Variants in ITPRID1 observed in about 807,000 individuals in gnomAD.
ITPRID1 encodes the protein protein ITPRID1.
In ITPRID1, 96 loss-of-function variants were observed where a neutral mutation model predicts 95.4. The observed-to-expected ratio is 1.01, with a 90% CI of 0.85 to 1.19. ITPRID1 has a LOEUF of 1.19. ITPRID1 is among the 50% of genes most tolerant of loss of function. The pLI is 0.00. For missense variants in ITPRID1, 1,339 were observed against 1,252.9 expected, an observed-to-expected ratio of 1.07 and a Z score of -1.04; for synonymous variants, 510 against 453.6, an observed-to-expected ratio of 1.12 and a Z score of -1.58.
chr7:31,535,119 AAT>A (rs1438943327), intron 1 of ITPRID1, among the ~76,000 whole-genome samples: 1 of 152,076 alleles, frequency 6.6e-6, no homozygotes, highest in Non-Finnish European at 1.5e-5. Flanking sequence ...ATTTAATATG[AAT>A]TAATTTAAAT....
At position 31,652,679 on chromosome 7, in the gene ITPRID1, T is replaced by C. The variant is rs1248148633; in HGVS notation, c.2985T>C (p.Cys995=). The change falls in exon 15 of 15, where the codon TGT becomes TGC. Residue 995 remains cysteine, a synonymous_variant. Coordinates refer to ENST00000615280, the MANE Select transcript of ITPRID1 (RefSeq NM_001257967.3). The part of the protein sequence containing the change: ...FPPDDGQEAP[C]SGGTQLAAFT... ...CCGATGATGGCCAGGAGGCTCCCTG[T>C]TCAGGTGGGACCCAGTTGGCTGCCT... 6.2e-7 allele frequency: 1 copy of C among 1,613,796 alleles called. No individual in the cohort carries two copies. Among genetic ancestry groups the C allele is most frequent in the Non-Finnish European group, 8.5e-7 (1 of 1,179,878 alleles).
At chr7:31,612,725 A>G (rs1392464733) in intron 10 of ITPRID1, among the ~76,000 whole-genome samples, 2 of 152,084 alleles carry the variant, frequency 1.3e-5, no homozygotes, top group African/African-American at 4.8e-5. Flanking sequence ...TTTACAACTC[A>G]GTGTTAGTCT....
chr7:31,589,415 T>C lies in ITPRID1; in HGVS notation c.1228+6224T>C, dbSNP rs181688908. Among the ~76,000 whole-genome samples the C allele has an allele frequency of 4.5e-4, 68 of 152,214 alleles. No homozygotes were observed. In the East Asian group the frequency reaches 9.4e-3, roughly 21 times the overall value. On this transcript the variant is annotated intron_variant, in intron 10 of 14. Transcript: ENST00000615280. ...CAGAGAAAACTGTGCGAGAAAAAAA[T>C]ATTTGGAGAAATAATGGTGGGAAAT...
At chr7:31,595,235 G>C (rs577056892) in intron 10 of ITPRID1, among the ~76,000 whole-genome samples, 1 of 151,748 alleles carries the variant, frequency 6.6e-6, no homozygotes, top group Non-Finnish European at 1.5e-5. Flanking sequence ...AGTAGAGACA[G>C]GGTTTCACCA....
intron 1 of ITPRID1, among the ~76,000 whole-genome samples, chr7:31,520,598 C>A: frequency 6.7e-6 from 1 of 149,520 alleles, no homozygotes; most frequent in South Asian, 2.1e-4. Context: ...ACTTTTCTTA[C>A]TTTCTGGCAC....
chr7:31,620,724 C>A (rs1787786638), intron 10 of ITPRID1, among the ~76,000 whole-genome samples: 1 of 152,082 alleles, frequency 6.6e-6, no homozygotes, highest in Non-Finnish European at 1.5e-5. Flanking sequence ...CAAAGGAACG[C>A]AGTTCCTCAC....
intron 10 of ITPRID1, among the ~76,000 whole-genome samples, chr7:31,636,117 C>A (rs1025547399): frequency 6.6e-6 from 1 of 152,098 alleles, no homozygotes; most frequent in African/African-American, 2.4e-5. Flanking sequence ...TGAGAACTCA[C>A]TCACTGTCAC....
intron 2 of ITPRID1, among the ~76,000 whole-genome samples, chr7:31,551,703 C>T (rs1271198401): frequency 7.0e-6 from 1 of 143,452 alleles, no homozygotes; most frequent in African/African-American, 2.5e-5. Context: ...CTAGAACGCT[C>T]ACCTATTCTT....
intron 10 of ITPRID1, among the ~76,000 whole-genome samples, chr7:31,639,364 T>A (rs1789789601): frequency 6.6e-6 from 1 of 152,052 alleles, no homozygotes; most frequent in Non-Finnish European, 1.5e-5. Flanking sequence ...TTCTGCAGTC[T>A]CTAATCTGCT....
At chr7:31,541,916 G>A (rs1338502715) in intron 1 of ITPRID1, among the ~76,000 whole-genome samples, 1 of 152,064 alleles carries the variant, frequency 6.6e-6, no homozygotes, top group Non-Finnish European at 1.5e-5. Context: ...CAGAAAAATT[G>A]GATGATACCC....
chr7:31,575,761 T>A (rs1010462970), intron 8 of ITPRID1, among the ~76,000 whole-genome samples: 2 of 152,216 alleles, frequency 1.3e-5, no homozygotes, highest in Non-Finnish European at 2.9e-5. Flanking sequence ...AGGAAAGTCA[T>A]GTGAGACAAA....
intron 1 of ITPRID1, among the ~76,000 whole-genome samples, chr7:31,528,379 T>A (rs1446964370): frequency 1.3e-5 from 2 of 152,228 alleles, no homozygotes; most frequent in African/African-American, 4.8e-5. Context: ...GTTCTGGCCA[T>A]GGCATTTCGG....
At chr7:31,625,819 CTTT>C (rs34385465) in intron 10 of ITPRID1, among the ~76,000 whole-genome samples, 2 of 149,790 alleles carry the variant, frequency 1.3e-5, no homozygotes, top group Non-Finnish European at 3.0e-5. Context: ...CTTAGAATGT[CTTT>C]TTTTTTAAAT....
At chr7:31,599,659 C>CTCTCT (rs1562598996) in intron 10 of ITPRID1, among the ~76,000 whole-genome samples, 2 of 31,704 alleles carry the variant, frequency 6.3e-5, no homozygotes, top group African/African-American at 1.4e-4. Context: ...TTCTTTCTTT[C>CTCTCT]CTTTCTCTCT....
Position 31,654,712 on chromosome 7 carries a change from A to C in ITPRID1, c.*1883A>C, listed in dbSNP as rs1343420479. On this transcript the variant is annotated 3_prime_UTR_variant, in exon 15 of 15. Coordinates refer to ENST00000615280, the MANE Select transcript of ITPRID1 (RefSeq NM_001257967.3). Reference sequence around the variant, plus strand: ...TGGGTCTCTAAGGAATGGGGAATAGATGCAGAATGGAATAGGAAAAACTGC... The same window carrying C: ...TGGGTCTCTAAGGAATGGGGAATAGCTGCAGAATGGAATAGGAAAAACTGC... Among the ~76,000 whole-genome samples the C allele has an allele frequency of 2.0e-5, 3 of 152,194 alleles. No individual in the cohort carries two copies. The highest frequency in any genetic ancestry group is 7.2e-5 in the African/African-American group (3 of 41,450).
Position 31,643,807 on chromosome 7 carries a change from C to T in ITPRID1, c.2437C>T (p.Pro813Ser). The stretch of plus-strand genomic sequence containing the variant: ...CTGCTGCATCTGCTGTCATCACCAC[C>T]CTCACTGCCACGGGGAGAGGCAAAG... ...AHCCICCHHH[P>S]HCHGERQSPG... The change falls in exon 12 of 15, where the codon CCT (proline) becomes TCT (serine). Residue 813 changes from proline to serine, a missense_variant. Transcript: ENST00000615280. The T allele has an allele frequency of 6.2e-7, 1 of 1,613,976 alleles. No homozygotes were observed. Among genetic ancestry groups the T allele is most frequent in the Non-Finnish European group, 8.5e-7 (1 of 1,179,906 alleles).
In ITPRID1 at chr7:31,652,561, A is replaced by G; in HGVS notation, c.2867A>G (p.Asn956Ser). Reference sequence around the variant, plus strand: ...GCAGAGCCACCTGAACACTATTCAAATCTGCATCAATATAACTGGATAGAA... The same window carrying G: ...GCAGAGCCACCTGAACACTATTCAAGTCTGCATCAATATAACTGGATAGAA... ...LTAEPPEHYSNLHQYNWIEES... is the reference protein window; with the variant it reads ...LTAEPPEHYSSLHQYNWIEES... The change falls in exon 15 of 15, where the codon AAT (asparagine) becomes AGT (serine). Residue 956 changes from asparagine to serine, a missense_variant. Transcript: ENST00000615280. The G allele has an allele frequency of 6.2e-7, 1 of 1,610,034 alleles. No homozygotes were observed.
intron 10 of ITPRID1, among the ~76,000 whole-genome samples, chr7:31,607,433 A>G (rs1282931576): frequency 5.3e-5 from 8 of 152,130 alleles, no homozygotes; most frequent in African/African-American, 1.9e-4. Flanking sequence ...CCACCTGATA[A>G]GTATGTTGGC....
intron 10 of ITPRID1, among the ~76,000 whole-genome samples, chr7:31,632,309 G>A (rs1251750445): frequency 3.3e-5 from 5 of 152,056 alleles, no homozygotes; most frequent in South Asian, 2.1e-4. Context: ...TTAGCCAGGC[G>A]TGGTGGCACG....
Sources: allele counts gnomAD v4.1 joint callset (sites outside exome capture counted in the v4.1 genomes callset), GRCh38; gene constraint gnomAD v4.1.1; transcripts MANE v1.5; gene names NCBI Gene and HGNC (gene_info 2026-07-23, HGNC 2026-07-21).